Variants in ALG14 observed in about 807,000 individuals in gnomAD.
The protein encoded by ALG14 is ALG14 UDP-N-acetylglucosaminyltransferase subunit, also known as UDP-N-acetylglucosamine transferase subunit ALG14.
Under a neutral mutation model 22.8 loss-of-function variants are expected in ALG14, and 17 were observed. The observed-to-expected ratio is 0.75, with a 90% CI of 0.51 to 1.12. The LOEUF is 1.12. Ranked by LOEUF, ALG14 falls within the 50% of genes most tolerant of loss-of-function variation. The pLI is 0.00. For missense variants in ALG14, 288 were observed against 271.8 expected, an observed-to-expected ratio of 1.06 and a Z score of -0.42; for synonymous variants, 89 against 103.7, an observed-to-expected ratio of 0.86 and a Z score of 0.86.
At chr1:94,998,084 T>G (rs1424293716) in intron 3 of ALG14, among the ~76,000 whole-genome samples, 3 of 152,152 alleles carry the variant, frequency 2.0e-5, no homozygotes, top group African/African-American at 7.2e-5. Flanking sequence ...GGGAAAGTAA[T>G]GCACACCAAG....
chr1:94,979,223 A>G lies in ALG14; in HGVS notation c.*3853T>C, dbSNP rs2766011. 0.65 allele frequency: 96,727 copies of G among 149,266 alleles called. 32,691 individuals are homozygous for G. Among genetic ancestry groups the G allele is most frequent in the East Asian group, 0.85 (4,225 of 4,966 alleles). The allele number at this position is 149,266 out of a possible 1,614,324, so 9.2% of individuals were successfully genotyped here. A position where few individuals can be genotyped will look rare whatever the true frequency, so the allele number is the denominator to read the frequency against. ...CGCTTGAAGCCAGGAGGCAGAGGTT[A>G]CAGTGAGCCAGTAAGGTGAGATTGC... On this transcript the variant is annotated 3_prime_UTR_variant, in exon 4 of 4. Coordinates refer to ENST00000370205, the MANE Select transcript of ALG14 (RefSeq NM_144988.4).
chr1:94,976,673 CAG>C lies in ALG14; in HGVS notation c.*6401_*6402del, dbSNP rs1346558189. Reference sequence around the variant, plus strand: ...CACCACAGCACTCCAGCCTGGGTGACAGAGTGAGACTCCGTCTTAAAGAAAAA... The same window carrying C: ...CACCACAGCACTCCAGCCTGGGTGACAGTGAGACTCCGTCTTAAAGAAAAA... On this transcript the variant is annotated 3_prime_UTR_variant, in exon 4 of 4. Coordinates refer to ENST00000370205, the MANE Select transcript of ALG14 (RefSeq NM_144988.4). The C allele has an allele frequency of 4.0e-5, 6 of 151,620 alleles. No individual in the cohort carries two copies. The highest frequency in any genetic ancestry group is 4.0e-4 in the Admixed American group (6 of 15,188). 9.4% of individuals were successfully genotyped at this position (151,620 alleles called of 1,614,324 possible).
At chr1:94,996,665 T>A (rs997919611) in intron 3 of ALG14, among the ~76,000 whole-genome samples, 1 of 152,276 alleles carries the variant, frequency 6.6e-6, no homozygotes, top group Admixed American at 6.5e-5. Context: ...TCCCTAATAA[T>A]CTGTTAACAC....
At chr1:94,999,561 C>T (rs1024833454) in intron 3 of ALG14, among the ~76,000 whole-genome samples, 5 of 152,226 alleles carry the variant, frequency 3.3e-5, no homozygotes, top group African/African-American at 9.6e-5. Flanking sequence ...AGGCAAATCT[C>T]TGTGTTATCC....
chr1:95,054,485 G>C (rs1674865350), intron 2 of ALG14, among the ~76,000 whole-genome samples: 1 of 152,136 alleles, frequency 6.6e-6, no homozygotes, highest in Admixed American at 6.5e-5. Context: ...GCAGAACTGT[G>C]AGCCAATTAA....
intron 2 of ALG14, among the ~76,000 whole-genome samples, chr1:95,035,629 C>T (rs1437003947): frequency 4.6e-5 from 7 of 152,182 alleles, no homozygotes; most frequent in Non-Finnish European, 8.8e-5. Flanking sequence ...TATATGACAA[C>T]TTGTAACTTT....
intron 3 of ALG14, among the ~76,000 whole-genome samples, chr1:95,021,971 A>G (rs2100763548): frequency 6.6e-6 from 1 of 152,356 alleles, no homozygotes; most frequent in African/African-American, 2.4e-5. Context: ...CACCAGCCTC[A>G]GATCCAAAAT....
chr1:95,026,462 ATG>A (rs141495807), intron 3 of ALG14, among the ~76,000 whole-genome samples: 18,718 of 141,934 alleles, frequency 0.13, 1,211 homozygotes, highest in African/African-American at 0.24. Context: ...AGCCCAAGGA[ATG>A]TGTGTGTGTG....
chr1:95,066,802 G>C (rs9787343), intron 1 of ALG14, among the ~76,000 whole-genome samples: 2 of 151,962 alleles, frequency 1.3e-5, no homozygotes, highest in Non-Finnish European at 2.9e-5. Flanking sequence ...AGGAGGCTGA[G>C]GCAGGAGAAT....
At chr1:95,022,231 G>C in intron 3 of ALG14, 2 of 808,422 alleles carry the variant, frequency 2.5e-6, no homozygotes, top group South Asian at 5.7e-5. Flanking sequence ...TTTTGACACA[G>C]ATGTTGTTCG....
intron 2 of ALG14, among the ~76,000 whole-genome samples, chr1:95,054,659 A>C (rs1674870561): frequency 6.6e-6 from 1 of 152,262 alleles, no homozygotes; most frequent in Non-Finnish European, 1.5e-5. Context: ...AAAAAGAAAC[A>C]CAAATCTTGA....
intron 2 of ALG14, among the ~76,000 whole-genome samples, chr1:95,029,835 T>A (rs1673943283): frequency 6.6e-6 from 1 of 152,232 alleles, no homozygotes; most frequent in South Asian, 2.1e-4. Context: ...TATACCAGTG[T>A]AGAATGGGAG....
At chr1:94,984,412 T>C (rs1469609664) in intron 3 of ALG14, among the ~76,000 whole-genome samples, 1 of 152,156 alleles carries the variant, frequency 6.6e-6, no homozygotes. Context: ...CTTGCCTCCA[T>C]GTGAACATGG....
rs1397539406 is a variant in ALG14 at position 94,980,666 on chromosome 1, A to G, written c.*2410T>C. ...GGGACCTTGAGGACTCAAATTAGCC[A>G]TAACAGTAACACACAGCAGAGCATG... On this transcript the variant is annotated 3_prime_UTR_variant, in exon 4 of 4. Coordinates refer to ENST00000370205, the MANE Select transcript of ALG14 (RefSeq NM_144988.4). 6.6e-6 allele frequency: 1 copy of G among 152,356 alleles called. No individual in the cohort carries two copies. Among genetic ancestry groups the G allele is most frequent in the Non-Finnish European group, 1.5e-5 (1 of 68,036 alleles). The allele number at this position is 152,356 out of a possible 1,614,324, so 9.4% of individuals were successfully genotyped here. A position where few individuals can be genotyped will look rare whatever the true frequency, so the allele number is the denominator to read the frequency against.
At chr1:95,035,825 A>G (rs1674170051) in intron 2 of ALG14, 1 of 152,248 alleles carries the variant, frequency 6.6e-6, no homozygotes, top group Non-Finnish European at 1.5e-5. Flanking sequence ...TGCTGTTACC[A>G]CACACTGAAA....
rs1384210597 is a variant in ALG14 at position 94,977,989 on chromosome 1, T to A, written c.*5087A>T. On this transcript the variant is annotated 3_prime_UTR_variant, in exon 4 of 4. Coordinates refer to ENST00000370205, the MANE Select transcript of ALG14 (RefSeq NM_144988.4). The stretch of plus-strand genomic sequence containing the variant: ...TTTTTAGTATAATGAGGTCCTGAGA[T>A]CAAAACGTTTGTGAAGCACTGGTCT... 1 of 151,800 alleles carries A rather than the reference T, an allele frequency of 6.6e-6. No homozygotes were observed. Among genetic ancestry groups the A allele is most frequent in the Non-Finnish European group, 1.5e-5 (1 of 67,958 alleles). 9.4% of individuals were successfully genotyped at this position (151,800 alleles called of 1,614,324 possible). A position where few individuals can be genotyped will look rare whatever the true frequency, so the allele number is the denominator to read the frequency against.
At chr1:94,993,105 G>A (rs1241887725) in intron 3 of ALG14, among the ~76,000 whole-genome samples, 1 of 147,374 alleles carries the variant, frequency 6.8e-6, no homozygotes, top group Non-Finnish European at 1.5e-5. Flanking sequence ...TACCCTTCAG[G>A]GCATACCAGA....
At chr1:95,059,522 T>C (rs1356359297) in intron 2 of ALG14, among the ~76,000 whole-genome samples, 1 of 151,962 alleles carries the variant, frequency 6.6e-6, no homozygotes, top group African/African-American at 2.4e-5. Context: ...AAGTTTCTTG[T>C]GATCACCCAG....
chr1:95,014,589 CA>C (rs1348059232), intron 3 of ALG14, among the ~76,000 whole-genome samples: 1 of 152,138 alleles, frequency 6.6e-6, no homozygotes. Flanking sequence ...TCTCAGCTCA[CA>C]GCAGTTACTC....
Sources: allele counts gnomAD v4.1 joint callset (sites outside exome capture counted in the v4.1 genomes callset), GRCh38; gene constraint gnomAD v4.1.1; transcripts MANE v1.5; gene names NCBI Gene and HGNC (gene_info 2026-07-23, HGNC 2026-07-21).